The following CHD5 variants were observed in gnomAD, a reference collection of about 807,000 sequenced individuals.
CHD5 encodes ATP-dependent chromatin remodeler CHD5.
In CHD5, 69 loss-of-function variants were observed where a neutral mutation model predicts 230.3. The observed-to-expected ratio is 0.30, with a 90% CI of 0.25 to 0.37. The LOEUF is 0.37. CHD5 is among the 10% of genes least tolerant of loss of function. The pLI is 1.00. For missense variants in CHD5, 1,827 were observed against 2,622.8 expected, an observed-to-expected ratio of 0.70 and a Z score of 6.63; for synonymous variants, 1,064 against 1,065.9, an observed-to-expected ratio of 1.00 and a Z score of 0.03.
intron 33 of CHD5, among the ~76,000 whole-genome samples, chr1:6,118,776 C>A (rs1306664441): frequency 6.6e-6 from 1 of 150,900 alleles, no homozygotes; most frequent in African/African-American, 2.4e-5. Context: ...CGGCTCACTG[C>A]GACCTCTGCC....
chr1:6,130,128 G>T lies in CHD5; in HGVS notation c.3387+76C>A. On this transcript the variant is annotated intron_variant, in intron 22 of 41. Coordinates refer to ENST00000262450, the MANE Select transcript of CHD5 (RefSeq NM_015557.3). This position sits in a 1 kb window ranked among gnomAD's most constrained non-coding sequence, Gnocchi z 4.9. ...AGGTGAGGGGGTGATGGCAAGAAGG[G>T]CATGAAGGACAGAACCTGCCTGAGG... The T allele has an allele frequency of 6.5e-7, 1 of 1,543,602 alleles. No homozygotes were observed. Among genetic ancestry groups the T allele is most frequent in the Non-Finnish European group, 8.9e-7 (1 of 1,123,622 alleles).
chr1:6,126,973 G>GC lies in CHD5; in HGVS notation c.3904-228dup. The GC allele has an allele frequency of 1.7e-6, 1 of 577,126 alleles. No individual in the cohort carries two copies. The allele number at this position is 577,126 out of a possible 1,614,324, so 35.8% of individuals were successfully genotyped here. A position where few individuals can be genotyped will look rare whatever the true frequency, so the allele number is the denominator to read the frequency against. On this transcript the variant is annotated intron_variant, in intron 25 of 41. Coordinates refer to ENST00000262450, the MANE Select transcript of CHD5 (RefSeq NM_015557.3). The surrounding 1 kb of genome is among the most constrained non-coding windows in gnomAD (Gnocchi z 5.7). The stretch of plus-strand genomic sequence containing the variant: ...ACTTATTCATCCATCCATTCACAAA[G>GC]CAAGTATTTCCTCGCCTCCTGTCAA...
chr1:6,131,329 C>A lies in CHD5; in HGVS notation c.3262+302G>T, dbSNP rs77294792. 6.6e-6 allele frequency among the ~76,000 whole-genome samples: 1 copy of A among 152,200 alleles called. No homozygotes were observed. The highest frequency in any genetic ancestry group is 1.9e-4 in the East Asian group (1 of 5,186). On this transcript the variant is annotated intron_variant, in intron 21 of 41. Transcript: ENST00000262450. This position sits in a 1 kb window ranked among gnomAD's most constrained non-coding sequence, Gnocchi z 5.0. ...GTACCTTCTGCCACCATTCACCATA[C>A]GGCAGGCTCTGTCCAACACCACTTG... is the stretch of plus-strand genomic sequence containing the variant.
rs1188221885 is a variant in CHD5 at position 6,180,243 on chromosome 1, C to G, written c.-220G>C. On this transcript the variant is annotated 5_prime_UTR_variant, in exon 1 of 42. Transcript: ENST00000262450. ...GCCTGCTCCCCGCAAAGCCCGGGCGCTCCTCCCACCGCGCCCCGCAGCCCG... is the reference window on the plus strand; with the variant it reads ...GCCTGCTCCCCGCAAAGCCCGGGCGGTCCTCCCACCGCGCCCCGCAGCCCG... 5.5e-6 allele frequency: 1 copy of G among 182,248 alleles called. No homozygotes were observed. Among genetic ancestry groups the G allele is most frequent in the Non-Finnish European group, 1.1e-5 (1 of 88,276 alleles). 11.3% of individuals were successfully genotyped at this position (182,248 alleles called of 1,614,324 possible).
At position 6,134,018 on chromosome 1, in the gene CHD5, A is replaced by C; in HGVS notation, c.3144+110T>G. 1 of 1,058,650 alleles carries C rather than the reference A, an allele frequency of 9.4e-7. No homozygotes were observed. 65.6% of individuals were successfully genotyped at this position (1,058,650 alleles called of 1,614,324 possible). A position where few individuals can be genotyped will look rare whatever the true frequency, so the allele number is the denominator to read the frequency against. On this transcript the variant is annotated intron_variant, in intron 20 of 41. Coordinates refer to ENST00000262450, the MANE Select transcript of CHD5 (RefSeq NM_015557.3). The surrounding 1 kb of genome is among the most constrained non-coding windows in gnomAD (Gnocchi z 6.3). ...CACACAGTCACATGACCCACATGGG[A>C]ACGGCACTGGGCCCTGAGGGGTGCC...
In CHD5 at chr1:6,125,535, C is replaced by T. The variant is rs1311151970; in HGVS notation, c.4249G>A (p.Gly1417Ser). ...CAGACAGGCCCCACCTCGATGTTGC[C>T]ACCAACTCGGGCGAGAAGCGGGGGC... ...PLPPLLARVG[G>S]NIEVLGFNAR... Residue 1417 changes from glycine (G) to serine (S), a missense_variant, in exon 28 of 42, where the codon GGC becomes AGC. Physicochemically the swap from Gly to Ser is moderately conservative, Grantham distance 56. Around this residue, in one of 14 missense-constraint regions of CHD5, gnomAD observed 137 missense variants for 272.7 expected, o/e 0.50. Transcript: ENST00000262450. This position sits in a 1 kb window ranked among gnomAD's most constrained non-coding sequence, Gnocchi z 6.7. 6.3e-7 allele frequency: 1 copy of T among 1,589,262 alleles called. No homozygotes were observed. The highest frequency in any genetic ancestry group is 8.6e-7 in the Non-Finnish European group (1 of 1,166,570).
At chr1:6,144,351 G>A (rs57172726) in intron 11 of CHD5, among the ~76,000 whole-genome samples, 196 bp from the exon 12 acceptor site, 18,313 of 152,166 alleles carry the variant, frequency 0.12, 1,388 homozygotes, top group Middle Eastern at 0.24. Context: ...GCGAATGAGA[G>A]GGGGATGTGG....
intron 25 of CHD5, among the ~76,000 whole-genome samples, chr1:6,127,460 G>GGGGCGACA: frequency 6.6e-6 from 1 of 151,944 alleles, no homozygotes; most frequent in Non-Finnish European, 1.5e-5. Context: ...CACTCCAGCC[G>GGGGCGACA]GGGCGACAGA....
At chr1:6,168,923 G>A (rs1667294176) in intron 1 of CHD5, among the ~76,000 whole-genome samples, 2 of 152,046 alleles carry the variant, frequency 1.3e-5, no homozygotes, top group Non-Finnish European at 2.9e-5. Context: ...GGAGGCTGAG[G>A]CTGGAGAATC....
At position 6,106,219 on chromosome 1, in the gene CHD5, C is replaced by T. The variant is rs756427457; in HGVS notation, c.*46+15G>A. ...TGGGGTGGCGGGGAGGAACACAGCACCCAGCAGCCCTCACCTCAGCTGGAA... is the reference window on the plus strand; with the variant it reads ...TGGGGTGGCGGGGAGGAACACAGCATCCAGCAGCCCTCACCTCAGCTGGAA... On this transcript the variant is annotated intron_variant, in intron 41 of 41. Coordinates refer to ENST00000262450, the MANE Select transcript of CHD5 (RefSeq NM_015557.3). 12 of 1,608,668 alleles carry T rather than the reference C, an allele frequency of 7.5e-6. No individual in the cohort carries two copies. In the Admixed American group the frequency reaches 1.0e-4, roughly 13 times the overall value.
chr1:6,102,074 TG>T lies in CHD5; in HGVS notation c.*3399del. 2 of 389,986 alleles carry T rather than the reference TG, an allele frequency of 5.1e-6. No individual in the cohort carries two copies. The highest frequency in any genetic ancestry group is 1.8e-5 in the South Asian group (1 of 55,166). 24.2% of individuals were successfully genotyped at this position (389,986 alleles called of 1,614,324 possible). ...GGGTCGGCCCCCTCTTAGCTGGGCC[TG>T]GGCCGGTGGAGTCTGCTCCCTCCAC... On this transcript the variant is annotated 3_prime_UTR_variant, in exon 42 of 42. Transcript: ENST00000262450.
Position 6,126,822 on chromosome 1 carries a change from G to C in CHD5, c.3904-76C>G, listed in dbSNP as rs945982487. On this transcript the variant is annotated intron_variant, in intron 25 of 41. Coordinates refer to ENST00000262450, the MANE Select transcript of CHD5 (RefSeq NM_015557.3). The surrounding 1 kb of genome is among the most constrained non-coding windows in gnomAD (Gnocchi z 5.7). Reference sequence around the variant, plus strand: ...CGGAAGCCTCAGGCTGCCTCCACCTGACCTGCCCTTTGCCCCCTCAGGGCT... The same window carrying C: ...CGGAAGCCTCAGGCTGCCTCCACCTCACCTGCCCTTTGCCCCCTCAGGGCT... 2.1e-6 allele frequency: 3 copies of C among 1,416,138 alleles called. No homozygotes were observed. The highest frequency in any genetic ancestry group is 3.8e-5 in the Admixed American group (2 of 53,294). The allele number at this position is 1,416,138 out of a possible 1,614,324, so 87.7% of individuals were successfully genotyped here.
rs555530590 is a variant in CHD5 at position 6,152,016 on chromosome 1, C to A, written c.870+396G>T. Among the ~76,000 whole-genome samples, 3 of 152,104 alleles carry A rather than the reference C, an allele frequency of 2.0e-5. No homozygotes were observed. The South Asian group carries it at 6.3e-4, about 32-fold the overall frequency. On this transcript the variant is annotated intron_variant, in intron 6 of 41. Transcript: ENST00000262450. ...CCACTTCTCTAGGGTCCAGCCCCCACCCAACTACTCCCCCCGAGAGCAGAC... is the reference window on the plus strand; with the variant it reads ...CCACTTCTCTAGGGTCCAGCCCCCAACCAACTACTCCCCCCGAGAGCAGAC...
Position 6,149,283 on chromosome 1 carries a change from T to A in CHD5, c.1124A>T (p.Glu375Val). 6.2e-7 allele frequency: 1 copy of A among 1,611,454 alleles called. No homozygotes were observed. Among genetic ancestry groups the A allele is most frequent in the South Asian group, 1.1e-5 (1 of 90,780 alleles). Residue 375 changes from glutamate to valine, a missense_variant, in exon 8 of 42, where the codon GAG becomes GTG. This residue lies in a region of CHD5 where 657 missense variants were observed against 816.4 expected (regional missense o/e 0.80). Transcript: ENST00000262450. ...YHLVCLDPELEKAPEGKWSCP... is the reference protein window; with the variant it reads ...YHLVCLDPELVKAPEGKWSCP... The stretch of plus-strand genomic sequence containing the variant: ...GCTCCACTTGCCCTCGGGAGCCTTC[T>A]CCAGCTCTGGGTCCAGGCATACGAG...
intron 2 of CHD5, among the ~76,000 whole-genome samples, chr1:6,160,901 C>T (rs927016649): frequency 3.9e-5 from 6 of 152,210 alleles, no homozygotes; most frequent in East Asian, 1.9e-4. Context: ...CCTTTAGAGA[C>T]ACAAGTCAAC....
At chr1:6,148,782 C>A in intron 9 of CHD5, 72 bp downstream of exon 9, 2 of 1,330,414 alleles carry the variant, frequency 1.5e-6, no homozygotes, top group Non-Finnish European at 2.0e-6. Flanking sequence ...GGAGGGCAGG[C>A]CTTCCCCTGG....
chr1:6,142,336 G>GA lies in CHD5; in HGVS notation c.2236-9dup. 6.2e-7 allele frequency: 1 copy of GA among 1,600,504 alleles called. No homozygotes were observed. Among genetic ancestry groups the GA allele is most frequent in the Non-Finnish European group, 8.6e-7 (1 of 1,169,140 alleles). On this transcript the variant is annotated splice_polypyrimidine_tract_variant and intron_variant, in intron 14 of 41. Transcript: ENST00000262450. This position sits in a 1 kb window ranked among gnomAD's most constrained non-coding sequence, Gnocchi z 5.2. Reference sequence around the variant, plus strand: ...GGGCCCTTTGGAGTGGCCCTGGAGAGAGAGGCCGATGCCGTGAGACCACCT... The same window carrying GA: ...GGGCCCTTTGGAGTGGCCCTGGAGAGAAGAGGCCGATGCCGTGAGACCACCT...
intron 1 of CHD5, among the ~76,000 whole-genome samples, chr1:6,172,163 C>T (rs532551997): frequency 2.6e-5 from 4 of 152,302 alleles, no homozygotes; most frequent in South Asian, 2.1e-4. Context: ...GCGGCCAGGC[C>T]GATGAGGTGG....
At position 6,129,150 on chromosome 1, in the gene CHD5, G is replaced by A; in HGVS notation, c.3388-81C>T. 1 of 930,648 alleles carries A rather than the reference G, an allele frequency of 1.1e-6. No homozygotes were observed. The highest frequency in any genetic ancestry group is 1.7e-6 in the Non-Finnish European group (1 of 598,652). 57.6% of individuals were successfully genotyped at this position (930,648 alleles called of 1,614,324 possible). A position where few individuals can be genotyped will look rare whatever the true frequency, so the allele number is the denominator to read the frequency against. On this transcript the variant is annotated intron_variant, in intron 22 of 41. Transcript: ENST00000262450. This position sits in a 1 kb window ranked among gnomAD's most constrained non-coding sequence, Gnocchi z 6.8. ...GGAGATCACACCCATGAGCTCAAGA[G>A]CATGGAATGGGCTGCATGACTGTGT...
Sources: gnomAD v4.1 joint callset for allele counts (sites outside exome capture counted in the v4.1 genomes callset) on GRCh38, gnomAD v4.1.1 for gene constraint, gnomAD v4.1.1 regional missense constraint, Gnocchi (gnomAD v3.1) non-coding constraint, MANE v1.5 for transcripts, NCBI Gene and HGNC (gene_info 2026-07-23, HGNC 2026-07-21) for gene names.